The following CTNNB1 variants were observed in gnomAD, a reference collection of about 807,000 sequenced individuals.
The protein encoded by CTNNB1 is catenin beta-1.
Under a neutral mutation model 82.5 loss-of-function variants are expected in CTNNB1, and 6 were observed. The observed-to-expected ratio is 0.07, with a 90% CI of 0.04 to 0.14. CTNNB1 has a LOEUF of 0.14. CTNNB1 is among the 10% of genes least tolerant of loss of function. The pLI, the probability that CTNNB1 is intolerant of heterozygous loss-of-function variation, is 1.00. For missense variants in CTNNB1, 529 were observed against 980.4 expected, an observed-to-expected ratio of 0.54 and a Z score of 6.15; for synonymous variants, 312 against 329.7, an observed-to-expected ratio of 0.95 and a Z score of 0.58.
At chr3:41,229,163 G>A (rs1395126037) in intron 7 of CTNNB1, among the ~76,000 whole-genome samples, 1 of 151,944 alleles carries the variant, frequency 6.6e-6, no homozygotes, top group African/African-American at 2.4e-5. Flanking sequence ...TGTTCTTTTT[G>A]CTTAGGATTG....
chr3:41,211,563 A>G (rs753324781), intron 1 of CTNNB1, among the ~76,000 whole-genome samples: 35 of 152,170 alleles, frequency 2.3e-4, no homozygotes, highest in African/African-American at 5.5e-4. Context: ...GTCTCTGTCT[A>G]TTGTATCTTT....
rs1207330730 is a variant in CTNNB1 at position 41,239,986 on chromosome 3, C to CTTTTTTTTTTTTTTTTTTTTTTT, written c.*647_*669dup. 1 of 30,588 alleles carries CTTTTTTTTTTTTTTTTTTTTTTT rather than the reference C, an allele frequency of 3.3e-5. No homozygotes were observed. The highest frequency in any genetic ancestry group is 6.8e-5 in the Non-Finnish European group (1 of 14,786). The allele number at this position is 30,588 out of a possible 1,614,324, so 1.9% of individuals were successfully genotyped here. ...TGACTTTGCTTGCTTTGAAGTAGCT[C>CTTTTTTTTTTTTTTTTTTTTTTT]TTTTTTTTTTTTTTTTTTTTTTTTT... On this transcript the variant is annotated 3_prime_UTR_variant, in exon 15 of 15. Coordinates refer to ENST00000349496, the MANE Select transcript of CTNNB1 (RefSeq NM_001904.4).
At chr3:41,226,872 A>G (rs758816946) in intron 6 of CTNNB1, among the ~76,000 whole-genome samples, 1 of 152,188 alleles carries the variant, frequency 6.6e-6, no homozygotes, top group Non-Finnish European at 1.5e-5. Flanking sequence ...ATCAGTTTTG[A>G]TATAACTTTC....
At chr3:41,218,002 C>T (rs2077953807) in intron 1 of CTNNB1, among the ~76,000 whole-genome samples, 1 of 152,050 alleles carries the variant, frequency 6.6e-6, no homozygotes, top group Non-Finnish European at 1.5e-5. Flanking sequence ...TCATGTTTCC[C>T]TTTTTGGTTT....
chr3:41,231,746 G>A (rs2078315128), intron 7 of CTNNB1, among the ~76,000 whole-genome samples: 1 of 152,150 alleles, frequency 6.6e-6, no homozygotes, highest in Non-Finnish European at 1.5e-5. Context: ...AAAGCTAGAA[G>A]ACCAGACTAC....
chr3:41,231,696 T>C (rs2125635163), intron 7 of CTNNB1, among the ~76,000 whole-genome samples: 1 of 152,310 alleles, frequency 6.6e-6, no homozygotes, highest in African/African-American at 2.4e-5. Flanking sequence ...GTTTAAAATA[T>C]TAATAATAGC....
Position 41,225,061 on chromosome 3 carries a change from G to A in CTNNB1, c.349G>A (p.Ala117Thr), listed in dbSNP as rs2078142518. ...MQIPSTQFDA[A>T]HPTNVQRLAE... ...GATCCCATCTACACAGTTTGATGCT[G>A]CTCATCCCACTAATGTCCAGCGTTT... The change falls in exon 4 of 15, where the codon GCT becomes ACT. Residue 117 changes from alanine to threonine, a missense_variant. Physicochemically the swap from Ala to Thr is moderately conservative, Grantham distance 58. This residue lies in a region of CTNNB1 where 411 missense variants were observed against 776.4 expected (regional missense o/e 0.53). Coordinates refer to ENST00000349496, the MANE Select transcript of CTNNB1 (RefSeq NM_001904.4). The surrounding 1 kb of genome is among the most constrained non-coding windows in gnomAD (Gnocchi z 5.3). The A allele has an allele frequency of 1.9e-6, 3 of 1,614,064 alleles. No homozygotes were observed. The highest frequency in any genetic ancestry group is 8.5e-7 in the Non-Finnish European group (1 of 1,179,982).
rs1336007987 is a variant in CTNNB1, at chr3:41,240,177, AAAATAGAC to A, written c.*843_*850del. ...TAACAATTGTGTAGCCTTTTTGTAT[AAAATAGAC>A]AAATAGAAAATGGTCCAATTAGTTT... is the stretch of plus-strand genomic sequence containing the variant. On this transcript the variant is annotated 3_prime_UTR_variant, in exon 15 of 15. Coordinates refer to ENST00000349496, the MANE Select transcript of CTNNB1 (RefSeq NM_001904.4). The A allele has an allele frequency of 9.8e-6, 2 of 203,164 alleles. No individual in the cohort carries two copies. The highest frequency in any genetic ancestry group is 2.0e-5 in the Non-Finnish European group (2 of 98,664). The allele number at this position is 203,164 out of a possible 1,614,324, so 12.6% of individuals were successfully genotyped here.
At chr3:41,200,630 G>A (rs937036247) in intron 1 of CTNNB1, among the ~76,000 whole-genome samples, 1 of 152,158 alleles carries the variant, frequency 6.6e-6, no homozygotes, top group African/African-American at 2.4e-5. Flanking sequence ...TCTTTTCAGC[G>A]GAGTGAATTT....
At chr3:41,218,371 A>T (rs953132121) in intron 1 of CTNNB1, among the ~76,000 whole-genome samples, 15 of 152,162 alleles carry the variant, frequency 9.9e-5, no homozygotes, top group African/African-American at 3.6e-4. Context: ...AACATTATAA[A>T]TGTGATGGAA....
chr3:41,202,177 C>A (rs1446856631), intron 1 of CTNNB1, among the ~76,000 whole-genome samples: 1 of 152,164 alleles, frequency 6.6e-6, no homozygotes, highest in Non-Finnish European at 1.5e-5. Flanking sequence ...AATGAAACTT[C>A]AGTGTTATTG....
At chr3:41,220,527 T>C (rs989919244) in intron 1 of CTNNB1, 1 of 151,866 alleles carries the variant, frequency 6.6e-6, no homozygotes, top group African/African-American at 2.4e-5. Context: ...CAGGAAGATT[T>C]GAGGAAATTG....
At position 41,224,295 on chromosome 3, in the gene CTNNB1, A is replaced by G. The variant is rs1023907785; in HGVS notation, c.13+214A>G. 2.5e-5 allele frequency: 18 copies of G among 708,454 alleles called. No individual in the cohort carries two copies. The Admixed American group carries it at 2.8e-4, about 11-fold the overall frequency. 43.9% of individuals were successfully genotyped at this position (708,454 alleles called of 1,614,324 possible). A position where few individuals can be genotyped will look rare whatever the true frequency, so the allele number is the denominator to read the frequency against. On this transcript the variant is annotated intron_variant, in intron 2 of 14. Transcript: ENST00000349496. ...CTGGATGACTGCTTCTGGAGCCTGG[A>G]TGCAGTACCATTCTTCCACTGATTC...
intron 10 of CTNNB1, 32 bp from the exon 11 acceptor site, chr3:41,235,692 G>GC: frequency 6.2e-7 from 1 of 1,614,002 alleles, no homozygotes; most frequent in Non-Finnish European, 8.5e-7. Flanking sequence ...AGAGGAGAAT[G>GC]CCCTGTTTGT....
intron 1 of CTNNB1, among the ~76,000 whole-genome samples, chr3:41,218,445 A>T (rs1328550166): frequency 6.6e-6 from 1 of 152,198 alleles, no homozygotes; most frequent in Non-Finnish European, 1.5e-5. Context: ...TTACTCTCGT[A>T]TGTATCTCAT....
At chr3:41,237,123 C>G in intron 13 of CTNNB1, 2 of 275,398 alleles carry the variant, frequency 7.3e-6, no homozygotes, top group Non-Finnish European at 1.4e-5. Context: ...GTCCTCAGTA[C>G]AGGTGGTTCC....
chr3:41,240,152 T>TAACA lies in CTNNB1; in HGVS notation c.*812_*815dup. 4.8e-6 allele frequency: 1 copy of TAACA among 207,454 alleles called. No homozygotes were observed. The highest frequency in any genetic ancestry group is 9.9e-6 in the Non-Finnish European group (1 of 101,466). The allele number at this position is 207,454 out of a possible 1,614,324, so 12.9% of individuals were successfully genotyped here. A position where few individuals can be genotyped will look rare whatever the true frequency, so the allele number is the denominator to read the frequency against. The stretch of plus-strand genomic sequence containing the variant: ...AATTAATTGTAATCTGAATAAAGTG[T>TAACA]AACAATTGTGTAGCCTTTTTGTATA... On this transcript the variant is annotated 3_prime_UTR_variant, in exon 15 of 15. Coordinates refer to ENST00000349496, the MANE Select transcript of CTNNB1 (RefSeq NM_001904.4).
intron 7 of CTNNB1, chr3:41,233,073 C>A: frequency 1.8e-6 from 1 of 550,302 alleles, no homozygotes; most frequent in Non-Finnish European, 3.3e-6. Context: ...AAGAATATTA[C>A]CTAAGGGGGA....
rs757047197 is a variant in CTNNB1 at position 41,227,261 on chromosome 3, C to G, written c.990C>G (p.Thr330=). ...GPQALVNIMR[T]YTYEKLLWTT... Reference sequence around the variant, plus strand: ...AAGCTTTAGTAAATATAATGAGGACCTATACTTACGAAAAACTACTGTGGA... The same window carrying G: ...AAGCTTTAGTAAATATAATGAGGACGTATACTTACGAAAAACTACTGTGGA... Residue 330 remains threonine (T), a synonymous_variant, in exon 7 of 15, where the codon ACC becomes ACG. Transcript: ENST00000349496. 4 of 1,612,568 alleles carry G rather than the reference C, an allele frequency of 2.5e-6. No individual in the cohort carries two copies. The highest frequency in any genetic ancestry group is 1.7e-5 in the Admixed American group (1 of 59,992).
Sources: gnomAD v4.1 joint callset for allele counts (sites outside exome capture counted in the v4.1 genomes callset) on GRCh38, gnomAD v4.1.1 for gene constraint, gnomAD v4.1.1 regional missense constraint, Gnocchi (gnomAD v3.1) non-coding constraint, MANE v1.5 for transcripts, NCBI Gene and HGNC (gene_info 2026-07-23, HGNC 2026-07-21) for gene names.